Variants in STK3 observed in about 807,000 individuals in gnomAD.
The protein encoded by STK3 is serine/threonine-protein kinase 3.
A neutral mutation model predicts 58.0 loss-of-function variants in STK3; 41 were observed. The ratio of observed to expected loss-of-function variants is 0.71; its 90% confidence interval spans 0.55 to 0.92. STK3 has a LOEUF of 0.92. Among genes scored for constraint, STK3 ranks in the 40% least tolerant of loss-of-function variants. The pLI, the probability that STK3 is intolerant of heterozygous loss-of-function variation, is 0.00. For missense variants in STK3, 479 were observed against 602.7 expected, an observed-to-expected ratio of 0.79 and a Z score of 2.15; for synonymous variants, 170 against 191.0, an observed-to-expected ratio of 0.89 and a Z score of 0.91.
chr8:98,741,969 T>C (rs894987988), intron 4 of STK3, among the ~76,000 whole-genome samples: 1 of 152,052 alleles, frequency 6.6e-6, no homozygotes, highest in African/African-American at 2.4e-5. Flanking sequence ...GCAAATAAAC[T>C]AGAAAATCTA....
chr8:98,495,766 G>C (rs145567996), intron 10 of STK3, among the ~76,000 whole-genome samples: 1 of 152,180 alleles, frequency 6.6e-6, no homozygotes, highest in African/African-American at 2.4e-5. Context: ...TCAAACATCT[G>C]TATATACTTT....
intron 10 of STK3, among the ~76,000 whole-genome samples, chr8:98,470,396 T>C (rs1820829973): frequency 6.6e-6 from 1 of 152,202 alleles, no homozygotes; most frequent in Non-Finnish European, 1.5e-5. Context: ...ACAGATCTCT[T>C]CTAATTACCC....
chr8:98,693,265 G>A lies in STK3; in HGVS notation c.684+13202C>T, dbSNP rs115755328. Among the ~76,000 whole-genome samples the A allele has an allele frequency of 1.9e-3, 296 of 152,256 alleles. 1 individual carries two copies. Among genetic ancestry groups the A allele is most frequent in the African/African-American group, 6.5e-3 (268 of 41,540 alleles). On this transcript the variant is annotated intron_variant, in intron 6 of 10. Transcript: ENST00000419617. ...ATATAAGATTTAGCCAGCCATGGTAGCTTGTGCCTGTAGTCCCAGCTACTT... is the reference window on the plus strand; with the variant it reads ...ATATAAGATTTAGCCAGCCATGGTAACTTGTGCCTGTAGTCCCAGCTACTT...
intron 3 of STK3, among the ~76,000 whole-genome samples, chr8:98,750,884 C>T (rs1000759345): frequency 6.6e-6 from 1 of 152,128 alleles, no homozygotes; most frequent in Admixed American, 6.6e-5. Flanking sequence ...TCCAGTGGCA[C>T]ATAAAAAACC....
chr8:98,477,706 GGGGGGGGGGGT>G (rs1821457332), intron 10 of STK3, among the ~76,000 whole-genome samples: 4 of 76,842 alleles, frequency 5.2e-5, no homozygotes, highest in Admixed American at 1.3e-4. Context: ...ACTTGGCGGG[GGGGGGGGGGGT>G]GGGCGGGGGG....
At chr8:98,545,148 A>G (rs1007157750) in intron 9 of STK3, among the ~76,000 whole-genome samples, 1 of 152,180 alleles carries the variant, frequency 6.6e-6, no homozygotes, top group Non-Finnish European at 1.5e-5. Flanking sequence ...TAAATCCTAA[A>G]TTGATTTTCT....
intron 7 of STK3, among the ~76,000 whole-genome samples, chr8:98,591,102 T>A (rs923662369): frequency 6.6e-6 from 1 of 152,192 alleles, no homozygotes; most frequent in East Asian, 1.9e-4. Context: ...GTGATATGCA[T>A]TCAGTAGGAA....
intron 6 of STK3, among the ~76,000 whole-genome samples, chr8:98,601,824 T>C (rs1483459706): frequency 6.6e-6 from 1 of 152,226 alleles, no homozygotes; most frequent in Non-Finnish European, 1.5e-5. Flanking sequence ...TTATTTCAGA[T>C]GTAGGGCAGG....
At chr8:98,862,455 A>G (rs905898099) in intron 3 of STK3, among the ~76,000 whole-genome samples, 1 of 152,238 alleles carries the variant, frequency 6.6e-6, no homozygotes, top group African/African-American at 2.4e-5. Flanking sequence ...AACATTTTTT[A>G]CACTGCCTGA....
Position 98,893,312 on chromosome 8 carries a change from C to T in STK3, c.-78-9478G>A, listed in dbSNP as rs573523454. Among the ~76,000 whole-genome samples the T allele has an allele frequency of 1.1e-4, 17 of 151,260 alleles. No individual in the cohort carries two copies. The South Asian group carries it at 1.3e-3, about 11-fold the overall frequency. On this transcript the variant is annotated intron_variant, in intron 1 of 1. Transcript: ENST00000519420. ...GCTGAGGCAGAAGAAGTGCCTGAAC[C>T]GAGGAGGTGGAGGTTGCAGTGAGGC...
At chr8:98,902,797 C>T (rs1468687215) in intron 1 of STK3, among the ~76,000 whole-genome samples, 1 of 152,242 alleles carries the variant, frequency 6.6e-6, no homozygotes, top group Non-Finnish European at 1.5e-5. Flanking sequence ...CAGAGATTAT[C>T]ATGCATTACA....
At chr8:98,506,881 G>A (rs1430932358) in intron 10 of STK3, among the ~76,000 whole-genome samples, 1 of 152,174 alleles carries the variant, frequency 6.6e-6, no homozygotes, top group Non-Finnish European at 1.5e-5. Context: ...CCCAGAGAAG[G>A]TGTGGCCCTG....
At chr8:98,594,299 C>T (rs1815610095) in intron 7 of STK3, among the ~76,000 whole-genome samples, 1 of 151,922 alleles carries the variant, frequency 6.6e-6, no homozygotes, top group Non-Finnish European at 1.5e-5. Context: ...CAGTGAGACC[C>T]TATCTCAAAA....
chr8:98,513,991 C>T (rs1216650231), intron 10 of STK3, among the ~76,000 whole-genome samples: 1 of 152,156 alleles, frequency 6.6e-6, no homozygotes, highest in Non-Finnish European at 1.5e-5. Context: ...ATCATATTGT[C>T]AGAGACATTT....
chr8:98,730,156 A>G (rs1178925863), intron 4 of STK3, among the ~76,000 whole-genome samples: 2 of 152,234 alleles, frequency 1.3e-5, no homozygotes, highest in African/African-American at 4.8e-5. Flanking sequence ...GTGAGAATTT[A>G]CCAAGCAGAA....
intron 6 of STK3, chr8:98,651,854 G>C (rs1452062769): frequency 8.5e-5 from 13 of 152,346 alleles, no homozygotes; most frequent in Admixed American, 4.6e-4. Context: ...ATCTACGTCT[G>C]ATTGGTGTAC....
At chr8:98,570,913 T>C (rs1337333041) in intron 8 of STK3, among the ~76,000 whole-genome samples, 1 of 152,194 alleles carries the variant, frequency 6.6e-6, no homozygotes, top group Non-Finnish European at 1.5e-5. Context: ...ATCCAGATAG[T>C]ATGATCTATT....
chr8:98,869,066 G>C (rs1455137920), intron 3 of STK3, among the ~76,000 whole-genome samples: 3 of 142,258 alleles, frequency 2.1e-5, no homozygotes, highest in Non-Finnish European at 4.7e-5. Context: ...AAGGAAGGAA[G>C]GAAGGAAGGA....
chr8:98,458,958 T>C (rs182143911), intron 10 of STK3, among the ~76,000 whole-genome samples: 1 of 149,932 alleles, frequency 6.7e-6, no homozygotes, highest in Non-Finnish European at 1.5e-5. Context: ...TAACTGGCAC[T>C]GAGGTAGTGG....
Sources: allele counts gnomAD v4.1 joint callset (sites outside exome capture counted in the v4.1 genomes callset), GRCh38; gene constraint gnomAD v4.1.1; transcripts MANE v1.5; gene names NCBI Gene and HGNC (gene_info 2026-07-23, HGNC 2026-07-21).